The following SLC41A2 variants were observed in gnomAD, a reference collection of about 807,000 sequenced individuals.
SLC41A2 encodes the protein SLC41A1-like 1.
SLC41A2 carries 32 observed loss-of-function variants against 58.3 expected under a neutral mutation model. The observed-to-expected ratio is 0.55, with a 90% confidence interval of 0.41 to 0.74. The LOEUF is 0.74. Among genes scored for constraint, SLC41A2 ranks in the 30% least tolerant of loss-of-function variants. The probability of loss-of-function intolerance (pLI) is 0.00; values close to 1 mark genes in which losing one functional copy is unlikely to be tolerated. For synonymous variants in SLC41A2, 190 were observed against 235.0 expected, an observed-to-expected ratio of 0.81 and a Z score of 1.75; for missense variants, 514 against 680.6, an observed-to-expected ratio of 0.76 and a Z score of 2.72.
intron 1 of SLC41A2, among the ~76,000 whole-genome samples, chr12:104,944,545 GTTC>G (rs1306700127): frequency 6.6e-6 from 1 of 152,182 alleles, no homozygotes; most frequent in Non-Finnish European, 1.5e-5. Flanking sequence ...CTAACTCTGA[GTTC>G]TTTACTCCTG....
intron 3 of SLC41A2, among the ~76,000 whole-genome samples, chr12:104,899,578 T>C (rs1244868512): frequency 6.6e-6 from 1 of 152,170 alleles, no homozygotes; most frequent in Non-Finnish European, 1.5e-5. Flanking sequence ...CCTTTGAAGG[T>C]CTCTTCTGTA....
intron 4 of SLC41A2, among the ~76,000 whole-genome samples, chr12:104,894,827 T>C (rs1395026124): frequency 2.0e-5 from 3 of 152,204 alleles, no homozygotes; most frequent in South Asian, 2.1e-4. Context: ...GGTAAACTAC[T>C]GTATTGTTTA....
At chr12:104,887,282 T>TA (rs1199181986) in intron 5 of SLC41A2, among the ~76,000 whole-genome samples, 5 of 151,950 alleles carry the variant, frequency 3.3e-5, no homozygotes, top group Non-Finnish European at 7.4e-5. Flanking sequence ...ACAGCACTTT[T>TA]AGAGTTAAAA....
In SLC41A2 at chr12:104,932,044, G is replaced by C. The variant is rs188814106; in HGVS notation, c.-167-3350C>G. ...GACCTTGATACAAGTATATGCCACAGACCACATATCACCATCATGCATTGA... is the reference window on the plus strand; with the variant it reads ...GACCTTGATACAAGTATATGCCACACACCACATATCACCATCATGCATTGA... On this transcript the variant is annotated intron_variant, in intron 1 of 10. Coordinates refer to ENST00000258538, the MANE Select transcript of SLC41A2 (RefSeq NM_001352171.3). Among the ~76,000 whole-genome samples, 133 of 152,246 alleles carry C rather than the reference G, an allele frequency of 8.7e-4. 1 individual carries two copies. The Middle Eastern group carries it at 0.014, about 16-fold the overall frequency.
chr12:104,920,319 C>T (rs961041426), intron 2 of SLC41A2, among the ~76,000 whole-genome samples: 5 of 151,864 alleles, frequency 3.3e-5, no homozygotes, highest in African/African-American at 9.7e-5. Flanking sequence ...TTATTTATAT[C>T]TACAAAAAGT....
chr12:104,906,759 T>C (rs561604507), intron 3 of SLC41A2, among the ~76,000 whole-genome samples: 1 of 152,198 alleles, frequency 6.6e-6, no homozygotes, highest in South Asian at 2.1e-4. Context: ...GCATTTAACA[T>C]GCTTAAAAAG....
At chr12:104,823,455 C>G (rs2041720496) in intron 10 of SLC41A2, among the ~76,000 whole-genome samples, 1 of 151,796 alleles carries the variant, frequency 6.6e-6, no homozygotes, top group African/African-American at 2.4e-5. Context: ...AGAAGAAAGT[C>G]TAGAAATAGA....
intron 10 of SLC41A2, 28 bp from the exon 11 acceptor site, chr12:104,805,365 G>A (rs760704089): frequency 9.4e-6 from 15 of 1,590,356 alleles, no homozygotes; most frequent in Admixed American, 5.2e-5. Context: ...AGATTACTCC[G>A]GCTGCCTGGA....
chr12:104,815,557 G>C (rs2136219582), intron 10 of SLC41A2, among the ~76,000 whole-genome samples: 1 of 152,264 alleles, frequency 6.6e-6, no homozygotes, highest in Middle Eastern at 3.4e-3. Flanking sequence ...TCCCCTTAAT[G>C]CCTCAACTGC....
intron 3 of SLC41A2, among the ~76,000 whole-genome samples, chr12:104,899,930 C>T (rs1016861921): frequency 1.3e-5 from 2 of 152,086 alleles, no homozygotes; most frequent in Non-Finnish European, 2.9e-5. Flanking sequence ...TTACCAGACT[C>T]ATTTAGGTTA....
At chr12:104,861,195 C>T in intron 8 of SLC41A2, 96 bp downstream of exon 8, 1 of 800,394 alleles carries the variant, frequency 1.2e-6, no homozygotes, top group Non-Finnish European at 1.9e-6. Flanking sequence ...GGAGGACAGA[C>T]CTCTTGAATC....
chr12:104,948,285 A>C (rs1047412318), intron 1 of SLC41A2, among the ~76,000 whole-genome samples: 8 of 152,186 alleles, frequency 5.3e-5, no homozygotes, highest in African/African-American at 1.9e-4. Context: ...TGCTTCCTAC[A>C]TCATTTATAC....
At chr12:104,848,612 G>A (rs1565838002) in intron 8 of SLC41A2, among the ~76,000 whole-genome samples, 1 of 151,982 alleles carries the variant, frequency 6.6e-6, no homozygotes, top group Non-Finnish European at 1.5e-5. Context: ...GCATTAAAAG[G>A]ATAATATAGG....
chr12:104,901,232 A>T (rs186813606), intron 3 of SLC41A2, among the ~76,000 whole-genome samples: 5 of 152,244 alleles, frequency 3.3e-5, no homozygotes, highest in African/African-American at 1.2e-4. Flanking sequence ...GGCAGTGAAC[A>T]TAATTTTTGA....
chr12:104,849,450 G>A (rs1468010948), intron 8 of SLC41A2, among the ~76,000 whole-genome samples: 1 of 152,162 alleles, frequency 6.6e-6, no homozygotes, highest in Non-Finnish European at 1.5e-5. Flanking sequence ...TTATAACGAC[G>A]TGCAGCAATG....
intron 2 of SLC41A2, among the ~76,000 whole-genome samples, chr12:104,917,127 A>G (rs1465061879): frequency 1.3e-5 from 2 of 151,996 alleles, no homozygotes; most frequent in East Asian, 3.9e-4. Flanking sequence ...CAAATTTACA[A>G]GAAAAAAACA....
chr12:104,835,456 G>A (rs1419287150), intron 10 of SLC41A2, among the ~76,000 whole-genome samples: 1 of 152,118 alleles, frequency 6.6e-6, no homozygotes, highest in Non-Finnish European at 1.5e-5. Context: ...ATTTCTGGCT[G>A]TTTTCCATAA....
At chr12:104,867,676 C>G (rs990782039) in intron 6 of SLC41A2, among the ~76,000 whole-genome samples, 2 of 151,132 alleles carry the variant, frequency 1.3e-5, no homozygotes, top group African/African-American at 4.9e-5. Flanking sequence ...TAAAATAAAG[C>G]TAAACAAAGT....
intron 10 of SLC41A2, among the ~76,000 whole-genome samples, chr12:104,842,476 A>G (rs2042447992): frequency 1.3e-5 from 2 of 152,132 alleles, no homozygotes; most frequent in East Asian, 1.9e-4. Context: ...TCTGAAATCA[A>G]TGACACACCA....
Sources: gnomAD v4.1 joint callset for allele counts (sites outside exome capture counted in the v4.1 genomes callset) on GRCh38, gnomAD v4.1.1 for gene constraint, MANE v1.5 for transcripts, NCBI Gene and HGNC (gene_info 2026-07-23, HGNC 2026-07-21) for gene names.